Variants in DCBLD2 observed in about 807,000 individuals in gnomAD.
DCBLD2 encodes the protein discoidin, CUB and LCCL domain-containing protein 2.
A neutral mutation model predicts 86.8 loss-of-function variants in DCBLD2; 54 were observed. The ratio of observed to expected loss-of-function variants is 0.62; its 90% CI spans 0.50 to 0.78. DCBLD2 has a LOEUF of 0.78. DCBLD2 is among the 30% of genes least tolerant of loss of function. The pLI is 0.00. For missense variants in DCBLD2, 908 were observed against 954.2 expected (o/e 0.95, Z 0.64); for synonymous variants, 354 against 341.3 (o/e 1.04, Z -0.41).
intron 1 of DCBLD2, among the ~76,000 whole-genome samples, chr3:98,890,129 A>T (rs1943633021): frequency 6.6e-6 from 1 of 152,066 alleles, no homozygotes; most frequent in Admixed American, 6.6e-5. Flanking sequence ...CACATGTTCA[A>T]GTCCTAATTT....
chr3:98,838,028 G>A (rs1273385458), intron 3 of DCBLD2, among the ~76,000 whole-genome samples: 6 of 116,154 alleles, frequency 5.2e-5, no homozygotes, highest in African/African-American at 9.8e-5. Flanking sequence ...CGGACGGGGC[G>A]GCTGGCCGGG....
At position 98,799,442 on chromosome 3, in the gene DCBLD2, G is replaced by T. The variant is rs775046338; in HGVS notation, c.2258C>A (p.Pro753Gln). The change falls in exon 16 of 16, where the codon CCA becomes CAA. Residue 753 changes from proline (P) to glutamine (Q), a missense_variant. Physicochemically the swap from Pro to Gln is moderately conservative, Grantham distance 76 (BLOSUM62 -1). Around this residue, in one of 3 missense-constraint regions of DCBLD2, gnomAD observed 606 missense variants for 678.5 expected, o/e 0.89. Transcript: ENST00000326840. ...TCCTGATACTTCTTGTGTGCTCTGT[G>T]GCACCTGGTACACCAATTCGTCTGG... The part of the protein sequence containing the change: ...PAPDELVYQV[P>Q]QSTQEVSGAG... 6.2e-7 allele frequency: 1 copy of T among 1,613,980 alleles called. No individual in the cohort carries two copies. Among genetic ancestry groups the T allele is most frequent in the Admixed American group, 1.7e-5 (1 of 60,022 alleles).
chr3:98,801,380 A>C (rs1941715079), intron 14 of DCBLD2: 1 of 461,546 alleles, frequency 2.2e-6, no homozygotes, highest in Non-Finnish European at 3.8e-6. Context: ...AAAAGAACAG[A>C]GCTTGTTTTA....
intron 2 of DCBLD2, among the ~76,000 whole-genome samples, chr3:98,859,692 A>T (rs776756718): frequency 2.6e-5 from 4 of 152,260 alleles, no homozygotes; most frequent in Non-Finnish European, 4.4e-5. Context: ...ATTAACAAAC[A>T]GAAAGGACAT....
chr3:98,890,454 T>A (rs766665880), intron 1 of DCBLD2: 2 of 152,128 alleles, frequency 1.3e-5, no homozygotes, highest in Non-Finnish European at 2.9e-5. Flanking sequence ...CTAGCCTCCA[T>A]AACTGTGAGA....
intron 2 of DCBLD2, among the ~76,000 whole-genome samples, chr3:98,877,761 G>A (rs929630541): frequency 4.6e-5 from 7 of 152,098 alleles, no homozygotes; most frequent in African/African-American, 1.7e-4. Flanking sequence ...TGATTCCAGG[G>A]CTGGAGCAGG....
intron 1 of DCBLD2, among the ~76,000 whole-genome samples, chr3:98,891,197 G>GGAGAGAGGGA (rs1943654893): frequency 6.7e-6 from 1 of 150,232 alleles, no homozygotes; most frequent in African/African-American, 2.4e-5. Flanking sequence ...AGAGGGAGAA[G>GGAGAGAGGGA]GAGAGAGGGA....
intron 1 of DCBLD2, chr3:98,890,246 T>C (rs1437900991): frequency 4.6e-5 from 7 of 151,954 alleles, no homozygotes; most frequent in Non-Finnish European, 7.4e-5. Context: ...CAACAACTGG[T>C]GTTTTCTAAG....
intron 1 of DCBLD2, among the ~76,000 whole-genome samples, chr3:98,891,630 A>C (rs762218360): frequency 2.0e-5 from 3 of 152,084 alleles, no homozygotes; most frequent in Non-Finnish European, 2.9e-5. Flanking sequence ...CAGGATACAA[A>C]GGCTATCATA....
intron 2 of DCBLD2, among the ~76,000 whole-genome samples, chr3:98,860,901 A>C (rs909149860): frequency 2.6e-5 from 4 of 152,234 alleles, no homozygotes; most frequent in Admixed American, 2.0e-4. Flanking sequence ...AAATGGGCTA[A>C]ATGCTCCAAT....
At chr3:98,845,765 T>C (rs554800264) in intron 3 of DCBLD2, among the ~76,000 whole-genome samples, 12 of 152,346 alleles carry the variant, frequency 7.9e-5, no homozygotes, top group African/African-American at 2.4e-4. Context: ...GCTACTCTGC[T>C]TTCTTTTCCA....
intron 3 of DCBLD2, among the ~76,000 whole-genome samples, chr3:98,833,902 C>T (rs1942371138): frequency 6.6e-6 from 1 of 152,210 alleles, no homozygotes; most frequent in African/African-American, 2.4e-5. Flanking sequence ...AGGCTGGAAA[C>T]CCAAGCCTGG....
intron 1 of DCBLD2, among the ~76,000 whole-genome samples, chr3:98,886,590 AACTGATCAAAAAGGGTAG>A (rs1943567458): frequency 6.6e-6 from 1 of 152,020 alleles, no homozygotes. Flanking sequence ...ACCAGACTAT[AACTGATCAAAAAGGGTAG>A]AAGCCTGTTA....
intron 2 of DCBLD2, among the ~76,000 whole-genome samples, chr3:98,861,972 T>C (rs926459147): frequency 2.6e-5 from 4 of 151,934 alleles, no homozygotes; most frequent in African/African-American, 4.8e-5. Flanking sequence ...AATTGATAGA[T>C]TGCTAGCAAG....
chr3:98,799,923 C>A, intron 15 of DCBLD2, 82 bp from the exon 16 acceptor site: 1 of 1,180,192 alleles, frequency 8.5e-7, no homozygotes, highest in African/African-American at 1.5e-5. Context: ...GCAGATTATA[C>A]TAAAAGCAAA....
intron 2 of DCBLD2, among the ~76,000 whole-genome samples, chr3:98,878,070 A>T (rs929898614): frequency 6.6e-6 from 1 of 152,170 alleles, no homozygotes; most frequent in Non-Finnish European, 1.5e-5. Flanking sequence ...AGAAAATAAT[A>T]ATTGATTCAT....
chr3:98,899,754 G>T (rs35098355), intron 1 of DCBLD2, among the ~76,000 whole-genome samples: 9,289 of 152,080 alleles, frequency 0.061, 346 homozygotes, highest in Non-Finnish European at 0.071. Context: ...ATGTCCTTAC[G>T]TTTGAACTGG....
chr3:98,849,430 T>A, intron 3 of DCBLD2, 31 bp downstream of exon 3: 1 of 1,613,678 alleles, frequency 6.2e-7, no homozygotes, highest in East Asian at 2.2e-5. Flanking sequence ...AATTACAAAC[T>A]GTAGGAACCA....
At chr3:98,856,324 C>G (rs1320729031) in intron 2 of DCBLD2, among the ~76,000 whole-genome samples, 1 of 151,772 alleles carries the variant, frequency 6.6e-6, no homozygotes, top group Admixed American at 6.6e-5. Flanking sequence ...AAGAACAAAA[C>G]AAAACAACAA....
Sources: allele counts gnomAD v4.1 joint callset (sites outside exome capture counted in the v4.1 genomes callset), GRCh38; gene constraint gnomAD v4.1.1; regional missense constraint gnomAD v4.1.1; transcripts MANE v1.5; gene names NCBI Gene and HGNC (gene_info 2026-07-23, HGNC 2026-07-21).